Variants in ZNF17 observed in about 807,000 individuals in gnomAD.
ZNF17 encodes zinc finger protein 17, also known as zinc finger protein 17 (HPF3, KOX 10).
A neutral mutation model predicts 7.7 loss-of-function variants in ZNF17; 4 were observed. The ratio of observed to expected loss-of-function variants is 0.52; its 90% CI spans 0.26 to 1.20. The LOEUF is 1.20. Among genes scored for constraint, ZNF17 ranks in the 50% most tolerant of loss-of-function variants. The probability of loss-of-function intolerance (pLI) is 0.14; values close to 1 mark genes in which losing one functional copy is unlikely to be tolerated. For missense variants in ZNF17, 738 were observed against 799.5 expected (o/e 0.92, Z 0.93); for synonymous variants, 249 against 258.8 (o/e 0.96, Z 0.36).
rs1421431485 is a variant in ZNF17 at position 57,421,089 on chromosome 19, A to G, written c.1603A>G (p.Lys535Glu). The change falls in exon 4 of 4, where the codon AAA (lysine) becomes GAA (glutamate). Residue 535 changes from lysine (K) to glutamate (E), a missense_variant. This residue lies in a region of ZNF17 where 616 missense variants were observed against 663.9 expected (regional missense o/e 0.93). Coordinates refer to ENST00000307658, the MANE Select transcript of ZNF17 (RefSeq NM_001330617.2). ...GCCTTATGAGTGTAGTGAATGTGGG[A>G]AATTCTTTAGGCACAACTCAAATCA... is the stretch of plus-strand genomic sequence containing the variant. ...ERPYECSECG[K>E]FFRHNSNHIR... 3 of 1,614,014 alleles carry G rather than the reference A, an allele frequency of 1.9e-6. No individual in the cohort carries two copies. Among genetic ancestry groups the G allele is most frequent in the Admixed American group, 1.7e-5 (1 of 60,010 alleles).
rs374639093 is a variant in ZNF17 at position 57,416,342 on chromosome 19, T to C, written c.22-1570T>C. On this transcript the variant is annotated intron_variant, in intron 2 of 3. Coordinates refer to ENST00000307658, the MANE Select transcript of ZNF17 (RefSeq NM_001330617.2). ...TGTTGGATACATGAGGGAGGTGCCA[T>C]CCAAAGCCTGAGTGGAGGAGCATGA... Among the ~76,000 whole-genome samples the C allele has an allele frequency of 5.3e-5, 8 of 152,054 alleles. No individual in the cohort carries two copies. The East Asian group carries it at 7.7e-4, about 15-fold the overall frequency.
chr19:57,420,480 T>C lies in ZNF17; in HGVS notation c.994T>C (p.Tyr332His). The change falls in exon 4 of 4, where the codon TAT (tyrosine) becomes CAT (histidine). Residue 332 changes from tyrosine to histidine, a missense_variant. Transcript: ENST00000307658. ...HQKIHTGERP[Y>H]GCNECGKYFM... ...GAAAATTCATACTGGAGAACGGCCT[T>C]ATGGATGCAATGAATGTGGGAAATA... 3 of 1,614,198 alleles carry C rather than the reference T, an allele frequency of 1.9e-6. No homozygotes were observed. The highest frequency in any genetic ancestry group is 2.5e-6 in the Non-Finnish European group (3 of 1,180,040).
At position 57,417,939 on chromosome 19, in the gene ZNF17, A is replaced by G. The variant is rs777579649; in HGVS notation, c.49A>G (p.Ile17Val). The change falls in exon 3 of 4, where the codon ATA (isoleucine) becomes GTA (valine). Residue 17 changes from isoleucine (I) to valine (V), a missense_variant. Physicochemically the swap from Ile to Val is conservative, Grantham distance 29. Around this residue, in one of 3 missense-constraint regions of ZNF17, gnomAD observed 616 missense variants for 663.9 expected, o/e 0.93. Transcript: ENST00000307658. ...TTATATGGTTTTTGAGGACGTGGCC[A>G]TACATTTCTCCCAGGAGGAGTGGGG... is the stretch of plus-strand genomic sequence containing the variant. Reference protein sequence around the residue: ...QDYMVFEDVAIHFSQEEWGIL... With the variant: ...QDYMVFEDVAVHFSQEEWGIL... 6.2e-7 allele frequency: 1 copy of G among 1,614,064 alleles called. No individual in the cohort carries two copies.
chr19:57,414,273 TCTGC>T (rs2088797175), intron 2 of ZNF17, among the ~76,000 whole-genome samples: 1 of 151,998 alleles, frequency 6.6e-6, no homozygotes, highest in East Asian at 1.9e-4. Flanking sequence ...GACCTCGTGA[TCTGC>T]CTGCCTCGGC....
chr19:57,420,649 A>C lies in ZNF17; in HGVS notation c.1163A>C (p.Tyr388Ser), dbSNP rs2088843938. The change falls in exon 4 of 4, where the codon TAT (tyrosine) becomes TCT (serine). Residue 388 changes from tyrosine to serine, a missense_variant. Tyr to Ser is a moderately radical substitution (Grantham distance 144, BLOSUM62 -2). Around this residue, in one of 3 missense-constraint regions of ZNF17, gnomAD observed 616 missense variants for 663.9 expected, o/e 0.93. Transcript: ENST00000307658. ...AGAGTTCATACTGGAGAAAAACCTT[A>C]TGAATGCAACGAATGTGGGAAATTC... ...HQRVHTGEKP[Y>S]ECNECGKFFR... The C allele has an allele frequency of 6.2e-7, 1 of 1,613,200 alleles. No individual in the cohort carries two copies.
At position 57,421,273 on chromosome 19, in the gene ZNF17, G is replaced by T; in HGVS notation, c.1787G>T (p.Ser596Ile). ...CSKCGKFFMDSSTLISHERVH... is the reference protein window; with the variant it reads ...CSKCGKFFMDISTLISHERVH... ...AAATGTGGGAAATTTTTTATGGACAGCTCCACACTCATTAGTCATGAGAGA... is the reference window on the plus strand; with the variant it reads ...AAATGTGGGAAATTTTTTATGGACATCTCCACACTCATTAGTCATGAGAGA... The change falls in exon 4 of 4, where the codon AGC (serine) becomes ATC (isoleucine). Residue 596 changes from serine to isoleucine, a missense_variant. Coordinates refer to ENST00000307658, the MANE Select transcript of ZNF17 (RefSeq NM_001330617.2). 6.2e-7 allele frequency: 1 copy of T among 1,613,820 alleles called. No individual in the cohort carries two copies. The highest frequency in any genetic ancestry group is 8.5e-7 in the Non-Finnish European group (1 of 1,179,914).
At chr19:57,413,564 T>C (rs1231411833) in intron 1 of ZNF17, 32 bp from the exon 2 acceptor site, 1 of 1,535,354 alleles carries the variant, frequency 6.5e-7, no homozygotes, top group Non-Finnish European at 8.7e-7. Flanking sequence ...TGCAATGCTG[T>C]CTTAATCCTC....
intron 3 of ZNF17, 37 bp downstream of exon 3, chr19:57,418,075 G>T: frequency 6.3e-7 from 1 of 1,586,288 alleles, no homozygotes; most frequent in South Asian, 1.1e-5. Flanking sequence ...TCTTGTGCTG[G>T]GCAATGTTTT....
In ZNF17 at chr19:57,420,873, C is replaced by T; in HGVS notation, c.1387C>T (p.Gln463Ter). ...FRYCFTLNRHQRVHSGERPYE... is the reference protein window; with the variant it reads ...FRYCFTLNRH ...GTATTGCTTCACACTGAATAGACAT[C>T]AGAGAGTTCACTCTGGAGAGAGGCC... The change falls in exon 4 of 4, where the codon CAG (glutamine) becomes TAG (stop). Residue 463 changes from glutamine (Q) to a stop codon, truncating the protein, a stop_gained. Coordinates refer to ENST00000307658, the MANE Select transcript of ZNF17 (RefSeq NM_001330617.2). LOFTEE classifies it low-confidence loss of function (END_TRUNC). The T allele has an allele frequency of 6.2e-7, 1 of 1,614,106 alleles. No individual in the cohort carries two copies. The highest frequency in any genetic ancestry group is 8.5e-7 in the Non-Finnish European group (1 of 1,180,012).
intron 2 of ZNF17, among the ~76,000 whole-genome samples, chr19:57,415,507 G>A (rs1281184140): frequency 6.6e-6 from 1 of 152,110 alleles, no homozygotes; most frequent in Non-Finnish European, 1.5e-5. Flanking sequence ...GTACACCATG[G>A]TAAATCTGTG....
In ZNF17 at chr19:57,420,430, C is replaced by G. The variant is rs1331153419; in HGVS notation, c.944C>G (p.Thr315Arg). The G allele has an allele frequency of 1.9e-6, 3 of 1,613,862 alleles. No individual in the cohort carries two copies. In the East Asian group the frequency reaches 6.7e-5, roughly 36 times the overall value. ...VCSECGKAFL[T>R]QAHLVGHQKI... Reference sequence around the variant, plus strand: ...AGTGAATGTGGGAAGGCCTTCCTTACACAGGCTCACCTTGTTGGTCACCAG... The same window carrying G: ...AGTGAATGTGGGAAGGCCTTCCTTAGACAGGCTCACCTTGTTGGTCACCAG... The change falls in exon 4 of 4, where the codon ACA (threonine) becomes AGA (arginine). Residue 315 changes from threonine (T) to arginine (R), a missense_variant. Around this residue, in one of 3 missense-constraint regions of ZNF17, gnomAD observed 616 missense variants for 663.9 expected, o/e 0.93. Transcript: ENST00000307658.
chr19:57,421,153 TTGAG>T lies in ZNF17; in HGVS notation c.1670_1673del (p.Glu557AlafsTer134). On this transcript the variant is annotated frameshift_variant, in exon 4 of 4. Transcript: ENST00000307658. LOFTEE classifies it low-confidence loss of function (END_TRUNC). ...AGAAATCACTTTGGAGAAAGGTCTTTTGAGTGCACTGAGTGTGGGAGAGTTTTTA... is the reference window on the plus strand; with the variant it reads ...AGAAATCACTTTGGAGAAAGGTCTTTTGCACTGAGTGTGGGAGAGTTTTTA... 1 of 1,613,986 alleles carries T rather than the reference TTGAG, an allele frequency of 6.2e-7. No individual in the cohort carries two copies. Among genetic ancestry groups the T allele is most frequent in the South Asian group, 1.1e-5 (1 of 91,082 alleles).
intron 1 of ZNF17, 113 bp downstream of exon 1, chr19:57,411,519 G>A (rs1018215809): frequency 7.4e-6 from 11 of 1,495,462 alleles, no homozygotes; most frequent in Non-Finnish European, 8.9e-6. Context: ...GCGTTCTTGT[G>A]TGGGGTACCG....
Position 57,411,381 on chromosome 19 carries a change from A to G in ZNF17, c.-46A>G, listed in dbSNP as rs1435281826. 47 of 1,612,324 alleles carry G rather than the reference A, an allele frequency of 2.9e-5. No homozygotes were observed. The highest frequency in any genetic ancestry group is 3.5e-5 in the Non-Finnish European group (41 of 1,179,432). ...CGCTCTTCCCTGGCTGTGCTGGCGG[A>G]GGCTGCGCCGATGAACCTGACTGAG... On this transcript the variant is annotated 5_prime_UTR_variant, in exon 1 of 4. Coordinates refer to ENST00000307658, the MANE Select transcript of ZNF17 (RefSeq NM_001330617.2).
chr19:57,412,452 T>C (rs2123060216), intron 1 of ZNF17, among the ~76,000 whole-genome samples: 1 of 151,364 alleles, frequency 6.6e-6, no homozygotes, highest in Admixed American at 6.6e-5. Context: ...TAAAACATTT[T>C]TTTTTTTTTT....
rs375034689 is a variant in ZNF17, at chr19:57,420,807, G to T, written c.1321G>T (p.Glu441Ter). The T allele has an allele frequency of 1.9e-6, 3 of 1,614,010 alleles. No homozygotes were observed. Among genetic ancestry groups the T allele is most frequent in the Non-Finnish European group, 2.5e-6 (3 of 1,180,040 alleles). Residue 441 changes from glutamate (E) to a stop codon, truncating the protein, a stop_gained, in exon 4 of 4, where the codon GAA (glutamate) becomes TAA (stop). Coordinates refer to ENST00000307658, the MANE Select transcript of ZNF17 (RefSeq NM_001330617.2). LOFTEE classifies it low-confidence loss of function (END_TRUNC). ...TATTCATCAGAGAGTTCATACTGGA[G>T]AAAAGCCTTATGAATGCAACAAATG... Reference protein sequence around the residue: ...LIIHQRVHTGEKPYECNKCGK... With the variant: ...LIIHQRVHTG
At chr19:57,413,733 C>A in intron 2 of ZNF17, 97 bp downstream of exon 2, 1 of 1,449,648 alleles carries the variant, frequency 6.9e-7, no homozygotes, top group Non-Finnish European at 9.4e-7. Context: ...ACCTTTTCTT[C>A]TCTCTCCCTT....
In ZNF17 at chr19:57,421,378, G is replaced by T. The variant is rs370145739; in HGVS notation, c.1892G>T (p.Arg631Leu). 5 of 1,612,744 alleles carry T rather than the reference G, an allele frequency of 3.1e-6. No individual in the cohort carries two copies. In the African/African-American group the frequency reaches 5.4e-5, roughly 17 times the overall value. ...TACAACTCCAGCCTCATTAAACATC[G>T]GAGAATTCACACTGGAGAGAGACCT... Reference protein sequence around the residue: ...FRYNSSLIKHRRIHTGERPYQ... With the variant: ...FRYNSSLIKHLRIHTGERPYQ... The change falls in exon 4 of 4, where the codon CGG becomes CTG. Residue 631 changes from arginine (R) to leucine (L), a missense_variant. By Grantham distance (102) the Arg-to-Leu change is moderately radical. Coordinates refer to ENST00000307658, the MANE Select transcript of ZNF17 (RefSeq NM_001330617.2).
chr19:57,418,500 G>A (rs1180533446), intron 3 of ZNF17, among the ~76,000 whole-genome samples: 1 of 152,040 alleles, frequency 6.6e-6, no homozygotes, highest in Non-Finnish European at 1.5e-5. Context: ...GCATGTCCTG[G>A]GTTTATTGCT....
Sources: allele counts gnomAD v4.1 joint callset (sites outside exome capture counted in the v4.1 genomes callset), GRCh38; gene constraint gnomAD v4.1.1; regional missense constraint gnomAD v4.1.1; transcripts MANE v1.5; gene names NCBI Gene and HGNC (gene_info 2026-07-23, HGNC 2026-07-21).